TMPRSS15: variants seen among roughly 807,000 people sequenced by gnomAD.
TMPRSS15 encodes enteropeptidase.
A neutral mutation model predicts 125.3 loss-of-function variants in TMPRSS15; 128 were observed. That is an observed-to-expected ratio of 1.02 (90% CI 0.89 to 1.18). The LOEUF (loss-of-function observed/expected upper bound fraction) is 1.18, where lower values mean the gene tolerates loss of function less well. Among genes scored for constraint, TMPRSS15 ranks in the 50% most tolerant of loss-of-function variants. TMPRSS15 has a pLI of 0.00. For synonymous variants in TMPRSS15, 446 were observed against 423.2 expected, an observed-to-expected ratio of 1.05 and a Z score of -0.66; for missense variants, 1,283 against 1,212.7, an observed-to-expected ratio of 1.06 and a Z score of -0.86.
At chr21:18,374,269 C>G (rs1032566910) in intron 5 of TMPRSS15, among the ~76,000 whole-genome samples, 8 of 150,732 alleles carry the variant, frequency 5.3e-5, no homozygotes, top group African/African-American at 1.2e-4. Context: ...GTCAGGAGAT[C>G]GAGACCATCC....
At chr21:18,435,469 C>T (rs1367562141) in intron 1 of TMPRSS15, among the ~76,000 whole-genome samples, 1 of 152,134 alleles carries the variant, frequency 6.6e-6, no homozygotes, top group Middle Eastern at 3.2e-3. Context: ...TCTTGCATCC[C>T]AGGGATGAAG....
chr21:18,295,399 A>G (rs943681460), intron 19 of TMPRSS15, among the ~76,000 whole-genome samples: 2 of 152,232 alleles, frequency 1.3e-5, no homozygotes, highest in African/African-American at 4.8e-5. Flanking sequence ...TGCTCCCACT[A>G]TTTCCAAATG....
At chr21:18,313,841 C>G (rs185016042) in intron 17 of TMPRSS15, among the ~76,000 whole-genome samples, 5 of 149,830 alleles carry the variant, frequency 3.3e-5, no homozygotes, top group Admixed American at 2.7e-4. Flanking sequence ...AACTTAGTTT[C>G]TGAAAGAAGG....
chr21:18,348,092 G>A (rs933593826), intron 10 of TMPRSS15, among the ~76,000 whole-genome samples: 10 of 152,076 alleles, frequency 6.6e-5, no homozygotes, highest in Non-Finnish European at 1.5e-4. Context: ...GGCTGAGGTG[G>A]GAGTATCTCT....
Position 18,398,247 on chromosome 21 carries a change from G to A in TMPRSS15, c.228C>T (p.Asp76=). The change falls in exon 2 of 25, where the codon GAC becomes GAT. Residue 76 remains aspartate (D), a synonymous_variant. Coordinates refer to ENST00000284885, the MANE Select transcript of TMPRSS15 (RefSeq NM_002772.3). ...SGVTYNPNLQ[D]KLSVDFKVLA... ...GAACTTTGAAATCCACTGAGAGTTT[G>A]TCTTGCAAATTAGGATTATATGTAA... The A allele has an allele frequency of 6.2e-7, 1 of 1,613,784 alleles. No individual in the cohort carries two copies. The highest frequency in any genetic ancestry group is 8.5e-7 in the Non-Finnish European group (1 of 1,179,750).
chr21:18,314,637 T>C (rs2075141685), intron 17 of TMPRSS15, among the ~76,000 whole-genome samples: 1 of 152,090 alleles, frequency 6.6e-6, no homozygotes, highest in African/African-American at 2.4e-5. Context: ...GCATGGTACA[T>C]AGTACGTAAG....
intron 24 of TMPRSS15, among the ~76,000 whole-genome samples, chr21:18,274,394 C>G (rs1407228419): frequency 6.6e-6 from 1 of 152,142 alleles, no homozygotes; most frequent in Non-Finnish European, 1.5e-5. Flanking sequence ...TAAAATCTAG[C>G]AGAACTTCCC....
intron 1 of TMPRSS15, among the ~76,000 whole-genome samples, chr21:18,461,519 A>G (rs1978550488): frequency 6.6e-6 from 1 of 152,206 alleles, no homozygotes; most frequent in South Asian, 2.1e-4. Context: ...ATGAATAGCA[A>G]GGAATTAAGA....
At chr21:18,391,263 C>G (rs964823547) in intron 3 of TMPRSS15, among the ~76,000 whole-genome samples, 1 of 152,178 alleles carries the variant, frequency 6.6e-6, no homozygotes, top group African/African-American at 2.4e-5. Context: ...GTCCAAAGTC[C>G]AAAGTCTCAT....
chr21:18,293,503 C>T (rs1040633), intron 21 of TMPRSS15, among the ~76,000 whole-genome samples: 123,108 of 151,944 alleles, frequency 0.81, 49,997 homozygotes, highest in Non-Finnish European at 0.83. Context: ...GCTCCCTTTT[C>T]TCCTGACTGA....
At chr21:18,480,642 T>C (rs529866480) in intron 1 of TMPRSS15, among the ~76,000 whole-genome samples, 29 of 151,934 alleles carry the variant, frequency 1.9e-4, no homozygotes, top group Non-Finnish European at 3.5e-4. Flanking sequence ...GCTCTCACCT[T>C]GCCTCCCTGG....
chr21:18,308,630 T>G (rs1012460691), intron 18 of TMPRSS15, among the ~76,000 whole-genome samples: 1 of 151,710 alleles, frequency 6.6e-6, no homozygotes, highest in Non-Finnish European at 1.5e-5. Flanking sequence ...CTGGGACACA[T>G]GTGCAGAACA....
chr21:18,352,903 C>G lies in TMPRSS15; in HGVS notation c.1171G>C (p.Gly391Arg). Residue 391 changes from glycine (G) to arginine (R), a missense_variant and splice_region_variant, in exon 10 of 25, where the codon GGA (glycine) becomes CGA (arginine). Transcript: ENST00000284885. Reference sequence around the variant, plus strand: ...GACTTCTGAATTAAATGAATTATACCTGAAGCATTGCCAAAAGTGTGGTCA... The same window carrying G: ...GACTTCTGAATTAAATGAATTATACGTGAAGCATTGCCAAAAGTGTGGTCA... ...NFDHTFGNAS[G>R]FYISTPTGPG... The G allele has an allele frequency of 6.2e-7, 1 of 1,611,572 alleles. No individual in the cohort carries two copies. Among genetic ancestry groups the G allele is most frequent in the Non-Finnish European group, 8.5e-7 (1 of 1,178,498 alleles).
intron 18 of TMPRSS15, among the ~76,000 whole-genome samples, chr21:18,310,056 C>T (rs1270180586): frequency 2.0e-5 from 3 of 151,966 alleles, no homozygotes; most frequent in Non-Finnish European, 2.9e-5. Context: ...ATAGAAGGAA[C>T]GTACCTCAAC....
intron 1 of TMPRSS15, among the ~76,000 whole-genome samples, chr21:18,432,853 C>G: frequency 6.6e-6 from 1 of 152,112 alleles, no homozygotes; most frequent in Admixed American, 6.5e-5. Context: ...TCTTGGGAAA[C>G]AGTAAAATTC....
At chr21:18,396,843 T>TA (rs997486187) in intron 3 of TMPRSS15, among the ~76,000 whole-genome samples, 15 of 147,204 alleles carry the variant, frequency 1.0e-4, no homozygotes, top group Admixed American at 6.9e-5. Context: ...TCTATCTATC[T>TA]ATCTATCTTA....
intron 16 of TMPRSS15, among the ~76,000 whole-genome samples, chr21:18,322,944 G>A (rs724128): frequency 1.3e-5 from 2 of 151,912 alleles, no homozygotes; most frequent in South Asian, 2.1e-4. Context: ...TCCCAGATTC[G>A]ATGATTATAA....
chr21:18,362,419 G>A (rs190670928), intron 7 of TMPRSS15, among the ~76,000 whole-genome samples: 391 of 152,218 alleles, frequency 2.6e-3, no homozygotes, highest in African/African-American at 8.8e-3. Flanking sequence ...CCCCTAGGAC[G>A]CTTTGCTTTC....
intron 1 of TMPRSS15, among the ~76,000 whole-genome samples, chr21:18,443,307 G>A (rs565814576): frequency 6.6e-6 from 1 of 152,278 alleles, no homozygotes; most frequent in South Asian, 2.1e-4. Context: ...GATCAATTAA[G>A]GCAGCAGGGG....
Sources: gnomAD v4.1 joint callset for allele counts (sites outside exome capture counted in the v4.1 genomes callset) on GRCh38, gnomAD v4.1.1 for gene constraint, MANE v1.5 for transcripts, NCBI Gene and HGNC (gene_info 2026-07-23, HGNC 2026-07-21) for gene names.